HS3ST5: variants seen among roughly 807,000 people sequenced by gnomAD.
The protein encoded by HS3ST5 is heparan sulfate glucosamine 3-O-sulfotransferase 5.
Under a neutral mutation model 25.4 loss-of-function variants are expected in HS3ST5, and 10 were observed. The ratio of observed to expected loss-of-function variants is 0.39; its 90% CI spans 0.24 to 0.67. The LOEUF (loss-of-function observed/expected upper bound fraction) is 0.67. HS3ST5 is among the 30% of genes least tolerant of loss of function. HS3ST5 has a pLI of 0.44. For synonymous variants in HS3ST5, 170 were observed against 162.4 expected, an observed-to-expected ratio of 1.05 and a Z score of -0.36; for missense variants, 324 against 420.7, an observed-to-expected ratio of 0.77 and a Z score of 2.01.
At chr6:114,076,080 C>G (rs1774111383) in intron 3 of HS3ST5, among the ~76,000 whole-genome samples, 1 of 152,168 alleles carries the variant, frequency 6.6e-6, no homozygotes, top group South Asian at 2.1e-4. Flanking sequence ...GTGAAGAGGA[C>G]AGTATCTCTA....
chr6:114,106,715 G>T (rs1776011708), intron 3 of HS3ST5, among the ~76,000 whole-genome samples: 1 of 152,024 alleles, frequency 6.6e-6, no homozygotes. Flanking sequence ...CTTATTCAAG[G>T]TAATTATGAA....
chr6:114,148,791 A>G (rs1271205529), intron 3 of HS3ST5, among the ~76,000 whole-genome samples: 1 of 152,244 alleles, frequency 6.6e-6, no homozygotes, highest in Non-Finnish European at 1.5e-5. Context: ...AACTAGCATT[A>G]GAGTGAAAAG....
chr6:114,221,535 T>C (rs1210347880), intron 2 of HS3ST5, among the ~76,000 whole-genome samples: 1 of 151,818 alleles, frequency 6.6e-6, no homozygotes, highest in Non-Finnish European at 1.5e-5. Flanking sequence ...ATTACAGTTA[T>C]AGTGATACTA....
intron 3 of HS3ST5, among the ~76,000 whole-genome samples, chr6:114,118,036 T>C (rs1219600473): frequency 6.6e-6 from 1 of 152,152 alleles, no homozygotes; most frequent in Non-Finnish European, 1.5e-5. Flanking sequence ...ACCTAGCAAT[T>C]AAGTGATTTG....
At chr6:114,086,987 C>T (rs1774873876) in intron 3 of HS3ST5, among the ~76,000 whole-genome samples, 1 of 152,150 alleles carries the variant, frequency 6.6e-6, no homozygotes. Context: ...CTATTGTCTT[C>T]ACATAACTCT....
At chr6:114,191,903 C>T (rs771492186) in intron 2 of HS3ST5, among the ~76,000 whole-genome samples, 1 of 152,142 alleles carries the variant, frequency 6.6e-6, no homozygotes, top group Non-Finnish European at 1.5e-5. Context: ...CCCAACACGG[C>T]ATTTAAATTT....
intron 1 of HS3ST5, among the ~76,000 whole-genome samples, chr6:114,302,936 A>G (rs1056523517): frequency 6.6e-6 from 1 of 152,060 alleles, no homozygotes; most frequent in Non-Finnish European, 1.5e-5. Flanking sequence ...ATATAACTTA[A>G]ACTTGTGTAG....
intron 1 of HS3ST5, among the ~76,000 whole-genome samples, chr6:114,323,339 T>C (rs1344733123): frequency 6.6e-6 from 1 of 152,148 alleles, no homozygotes; most frequent in Non-Finnish European, 1.5e-5. Flanking sequence ...TAAGGAGGAC[T>C]CATTTTGGGA....
At chr6:114,219,821 T>C (rs999967841) in intron 2 of HS3ST5, among the ~76,000 whole-genome samples, 3 of 152,142 alleles carry the variant, frequency 2.0e-5, no homozygotes, top group African/African-American at 4.8e-5. Flanking sequence ...CTGGAACAGG[T>C]AGAAGATCCA....
intron 3 of HS3ST5, among the ~76,000 whole-genome samples, chr6:114,106,485 C>T (rs1463373022): frequency 6.6e-6 from 1 of 151,976 alleles, no homozygotes; most frequent in Non-Finnish European, 1.5e-5. Context: ...AATAACAGTA[C>T]AGAGTAAAAA....
chr6:114,272,443 T>C (rs1773675990), intron 1 of HS3ST5, among the ~76,000 whole-genome samples: 2 of 152,256 alleles, frequency 1.3e-5, no homozygotes, highest in African/African-American at 4.8e-5. Context: ...CACATGTTTT[T>C]AAGCTTTGCA....
At chr6:114,170,300 G>T in intron 2 of HS3ST5, among the ~76,000 whole-genome samples, 1 of 151,852 alleles carries the variant, frequency 6.6e-6, no homozygotes, top group East Asian at 1.9e-4. Context: ...TAAATATAGA[G>T]TATATATATC....
intron 1 of HS3ST5, among the ~76,000 whole-genome samples, chr6:114,330,791 G>A (rs936159588): frequency 7.9e-5 from 12 of 152,122 alleles, no homozygotes; most frequent in Non-Finnish European, 1.2e-4. Context: ...GTAAAACAAA[G>A]ACTGCAACAT....
chr6:114,298,935 C>A (rs1024492864), intron 1 of HS3ST5, among the ~76,000 whole-genome samples: 1 of 152,000 alleles, frequency 6.6e-6, no homozygotes, highest in African/African-American at 2.4e-5. Flanking sequence ...GTAGAGCATG[C>A]GTGTTTGAAC....
At chr6:114,161,041 C>T (rs1253374594) in intron 3 of HS3ST5, among the ~76,000 whole-genome samples, 1 of 152,110 alleles carries the variant, frequency 6.6e-6, no homozygotes, top group Non-Finnish European at 1.5e-5. Flanking sequence ...ATTGCTCTGT[C>T]AGGAGCTCAG....
At chr6:114,161,068 G>A (rs1398978844) in intron 3 of HS3ST5, among the ~76,000 whole-genome samples, 1 of 152,100 alleles carries the variant, frequency 6.6e-6, no homozygotes, top group Non-Finnish European at 1.5e-5. Flanking sequence ...TCTGGACTCA[G>A]CAATGATCAT....
intron 2 of HS3ST5, among the ~76,000 whole-genome samples, chr6:114,225,779 A>G (rs929522455): frequency 1.3e-5 from 2 of 151,938 alleles, no homozygotes; most frequent in South Asian, 2.1e-4. Context: ...CTGTTCATCT[A>G]CATAAACTGT....
intron 1 of HS3ST5, among the ~76,000 whole-genome samples, chr6:114,305,715 G>A (rs1047258292): frequency 1.2e-4 from 18 of 152,116 alleles, no homozygotes; most frequent in Non-Finnish European, 1.0e-4. Context: ...ACGTGAATAT[G>A]TGGCAGTAAA....
At chr6:114,267,521 T>C (rs1773458035) in intron 1 of HS3ST5, among the ~76,000 whole-genome samples, 1 of 152,112 alleles carries the variant, frequency 6.6e-6, no homozygotes, top group South Asian at 2.1e-4. Context: ...GAGCAGAGAA[T>C]CAGATATGGA....
Sources: allele counts gnomAD v4.1 joint callset (sites outside exome capture counted in the v4.1 genomes callset), GRCh38; gene constraint gnomAD v4.1.1; transcripts MANE v1.5; gene names NCBI Gene and HGNC (gene_info 2026-07-23, HGNC 2026-07-21).